Variants in RAD51B observed in about 807,000 individuals in gnomAD.
RAD51B encodes the protein DNA repair protein RAD51 homolog 2.
Under a neutral mutation model 42.2 loss-of-function variants are expected in RAD51B, and 38 were observed. The ratio of observed to expected loss-of-function variants is 0.90; its 90% CI spans 0.70 to 1.18. The LOEUF (loss-of-function observed/expected upper bound fraction) is 1.18, where lower values mean the gene tolerates loss of function less well. Among genes scored for constraint, RAD51B ranks in the 50% most tolerant of loss-of-function variants. The probability of loss-of-function intolerance (pLI) is 0.00; values close to 1 mark genes in which losing one functional copy is unlikely to be tolerated. For synonymous variants in RAD51B, 154 were observed against 145.2 expected, an observed-to-expected ratio of 1.06 and a Z score of -0.43; for missense variants, 373 against 400.7, an observed-to-expected ratio of 0.93 and a Z score of 0.59.
intron 7 of RAD51B, among the ~76,000 whole-genome samples, chr14:68,041,094 G>A (rs1190065547): frequency 6.6e-6 from 1 of 152,140 alleles, no homozygotes; most frequent in East Asian, 1.9e-4. Flanking sequence ...CTGTTCTTGT[G>A]ATAGTGAGTG....
intron 7 of RAD51B, among the ~76,000 whole-genome samples, chr14:68,146,143 G>C (rs1172337963): frequency 6.6e-6 from 1 of 152,094 alleles, no homozygotes; most frequent in Non-Finnish European, 1.5e-5. Context: ...ATTTAGCAAA[G>C]GCCAGAGCAA....
intron 10 of RAD51B, among the ~76,000 whole-genome samples, chr14:68,499,752 A>G (rs1054403442): frequency 3.3e-5 from 5 of 152,154 alleles, no homozygotes; most frequent in East Asian, 1.9e-4. Flanking sequence ...AGCAGCCCCA[A>G]GCCAAGGAAC....
intron 7 of RAD51B, among the ~76,000 whole-genome samples, chr14:68,022,773 A>G (rs1809687510): frequency 6.6e-6 from 1 of 152,094 alleles, no homozygotes; most frequent in Admixed American, 6.6e-5. Flanking sequence ...CATAATACCT[A>G]ATAGGCACAT....
intron 7 of RAD51B, among the ~76,000 whole-genome samples, chr14:67,997,468 A>G (rs1274031395): frequency 6.6e-6 from 1 of 152,216 alleles, no homozygotes; most frequent in Non-Finnish European, 1.5e-5. Flanking sequence ...AGTCACAGTC[A>G]CGTCCTAAAT....
intron 7 of RAD51B, among the ~76,000 whole-genome samples, chr14:67,974,279 A>G (rs551512537): frequency 1.4e-4 from 22 of 152,254 alleles, no homozygotes; most frequent in Admixed American, 1.3e-3. Context: ...TCCAGCAGAG[A>G]CAGTAATGAA....
At chr14:68,219,269 C>G (rs2079877015) in intron 7 of RAD51B, among the ~76,000 whole-genome samples, 1 of 152,194 alleles carries the variant, frequency 6.6e-6, no homozygotes, top group South Asian at 2.1e-4. Context: ...TTAACATTAA[C>G]TTGGTAGACT....
intron 7 of RAD51B, among the ~76,000 whole-genome samples, chr14:68,201,595 C>T (rs188316476): frequency 3.9e-5 from 6 of 152,286 alleles, no homozygotes; most frequent in African/African-American, 1.4e-4. Context: ...AAGTAAGTCA[C>T]CTTTTCATAC....
chr14:68,627,097 G>A (rs185956220), intron 10 of RAD51B: 11 of 152,338 alleles, frequency 7.2e-5, no homozygotes, highest in African/African-American at 2.2e-4. Flanking sequence ...GCGGAAGAGA[G>A]TGGAAAAAAC....
intron 5 of RAD51B, among the ~76,000 whole-genome samples, chr14:67,881,866 G>A (rs981131013): frequency 6.6e-6 from 1 of 152,186 alleles, no homozygotes; most frequent in Non-Finnish European, 1.5e-5. Context: ...CCAGGCTTAA[G>A]TTTCCAGCTC....
chr14:68,647,585 C>T (rs1892587828), intron 10 of RAD51B, among the ~76,000 whole-genome samples: 1 of 152,082 alleles, frequency 6.6e-6, no homozygotes, highest in Non-Finnish European at 1.5e-5. Flanking sequence ...CATAGTGGGA[C>T]TACATGAGGC....
chr14:67,883,767 G>T (rs1469700490), intron 5 of RAD51B, among the ~76,000 whole-genome samples: 3 of 151,928 alleles, frequency 2.0e-5, no homozygotes, highest in Admixed American at 6.6e-5. Flanking sequence ...ATGAGGTAAG[G>T]GCTTTTCTTT....
At chr14:68,272,377 C>T (rs2081121024) in intron 7 of RAD51B, among the ~76,000 whole-genome samples, 2 of 152,038 alleles carry the variant, frequency 1.3e-5, no homozygotes, top group South Asian at 4.1e-4. Flanking sequence ...GTGGACGACC[C>T]AGTTATGAAT....
intron 7 of RAD51B, among the ~76,000 whole-genome samples, chr14:68,239,633 A>G (rs1222914689): frequency 6.6e-6 from 1 of 151,376 alleles, no homozygotes. Flanking sequence ...CCACTCACCT[A>G]TCTCATCAGC....
At chr14:68,618,582 C>A (rs1891874493) in intron 10 of RAD51B, among the ~76,000 whole-genome samples, 1 of 152,120 alleles carries the variant, frequency 6.6e-6, no homozygotes, top group South Asian at 2.1e-4. Context: ...GATAAATAAT[C>A]CCTTCATTAA....
chr14:68,563,035 C>A (rs1889233431), intron 10 of RAD51B: 3 of 985,374 alleles, frequency 3.0e-6, no homozygotes, highest in Non-Finnish European at 3.6e-6. Flanking sequence ...CAACCTCTCT[C>A]ACCCTGGCCG....
At chr14:67,996,669 C>A (rs2075390616) in intron 7 of RAD51B, among the ~76,000 whole-genome samples, 1 of 152,032 alleles carries the variant, frequency 6.6e-6, no homozygotes, top group Non-Finnish European at 1.5e-5. Flanking sequence ...TTAGAGGTAA[C>A]AATGGTCTGC....
At chr14:68,074,542 T>A (rs1764391758) in intron 7 of RAD51B, among the ~76,000 whole-genome samples, 1 of 152,244 alleles carries the variant, frequency 6.6e-6, no homozygotes, top group Non-Finnish European at 1.5e-5. Flanking sequence ...GGCCACTTCC[T>A]TCTGGTTAGG....
chr14:68,027,928 A>AT (rs1335374344), intron 7 of RAD51B, among the ~76,000 whole-genome samples: 4 of 151,708 alleles, frequency 2.6e-5, no homozygotes, highest in Non-Finnish European at 4.4e-5. Context: ...TCTTGCACTG[A>AT]TTTTTTTTCT....
At chr14:68,246,490 A>G (rs2080502512) in intron 7 of RAD51B, among the ~76,000 whole-genome samples, 1 of 152,184 alleles carries the variant, frequency 6.6e-6, no homozygotes, top group Admixed American at 6.5e-5. Context: ...GGGACATTTA[A>G]GAAAAGGGGG....
Sources: gnomAD v4.1 joint callset for allele counts (sites outside exome capture counted in the v4.1 genomes callset) on GRCh38, gnomAD v4.1.1 for gene constraint, MANE v1.5 for transcripts, NCBI Gene and HGNC (gene_info 2026-07-23, HGNC 2026-07-21) for gene names.